FRMD4B: variants seen among roughly 807,000 people sequenced by gnomAD.
FRMD4B encodes the protein FERM domain containing 4B.
In FRMD4B, 74 loss-of-function variants were observed where a neutral mutation model predicts 141.5. That is an observed-to-expected ratio of 0.52 (90% confidence interval 0.43 to 0.63). The LOEUF is 0.63. FRMD4B is among the 30% of genes least tolerant of loss of function. The pLI is 0.00. For synonymous variants in FRMD4B, 506 were observed against 467.9 expected (o/e 1.08, Z -1.05); for missense variants, 1,366 against 1,253.4 (o/e 1.09, Z -1.36).
At chr3:69,291,746 T>C (rs35441373) in intron 4 of FRMD4B, among the ~76,000 whole-genome samples, 76,339 of 151,892 alleles carry the variant, frequency 0.5, 19,619 homozygotes, top group Non-Finnish European at 0.55. Context: ...CCTAGATCCC[T>C]GCAGAAGCCC....
At chr3:69,240,936 C>T (rs1575647348) in intron 7 of FRMD4B, among the ~76,000 whole-genome samples, 1 of 152,130 alleles carries the variant, frequency 6.6e-6, no homozygotes, top group Admixed American at 6.6e-5. Flanking sequence ...CTATTCCTAC[C>T]GAATGCCACG....
chr3:69,174,336 TAA>T (rs2092621084), intron 22 of FRMD4B, among the ~76,000 whole-genome samples: 1 of 152,184 alleles, frequency 6.6e-6, no homozygotes, highest in Admixed American at 6.5e-5. Context: ...GTTATGATGT[TAA>T]GTTTTTAAAA....
chr3:69,187,368 A>T (rs1408151192), intron 19 of FRMD4B, among the ~76,000 whole-genome samples: 1 of 151,596 alleles, frequency 6.6e-6, no homozygotes, highest in Non-Finnish European at 1.5e-5. Context: ...CAACATGGAG[A>T]AACCCCGTCT....
intron 1 of FRMD4B, among the ~76,000 whole-genome samples, chr3:69,371,921 T>C (rs1703835427): frequency 6.6e-6 from 1 of 152,202 alleles, no homozygotes; most frequent in Non-Finnish European, 1.5e-5. Flanking sequence ...ATTTCCACAT[T>C]TGAAACATCT....
intron 1 of FRMD4B, among the ~76,000 whole-genome samples, chr3:69,347,907 A>C (rs966569246): frequency 3.9e-5 from 6 of 152,224 alleles, no homozygotes; most frequent in African/African-American, 1.4e-4. Flanking sequence ...ACACCCTAAC[A>C]TCACAATTAA....
intron 5 of FRMD4B, among the ~76,000 whole-genome samples, chr3:69,272,318 T>G (rs2093598066): frequency 6.6e-6 from 1 of 152,128 alleles, no homozygotes. Flanking sequence ...AATTTATTGT[T>G]TTTAGTAGAG....
chr3:69,455,429 C>T (rs536015741), intron 1 of FRMD4B, among the ~76,000 whole-genome samples: 6 of 152,234 alleles, frequency 3.9e-5, no homozygotes, highest in Admixed American at 2.0e-4. Context: ...AGTGAGACCA[C>T]GAATGCACCA....
At position 69,279,901 on chromosome 3, in the gene FRMD4B, C is replaced by G. The variant is rs78284676; in HGVS notation, c.501+7851G>C. 8.3e-3 allele frequency among the ~76,000 whole-genome samples: 1,268 copies of G among 151,962 alleles called. 18 individuals are homozygous for G. The highest frequency in any genetic ancestry group is 0.028 in the African/African-American group (1,166 of 41,378). The stretch of plus-strand genomic sequence containing the variant: ...AGCCCTACTTGCTTTTCCACATTTT[C>G]TGTCTTTTCATTATTACCATATTTA... On this transcript the variant is annotated intron_variant, in intron 5 of 22. Coordinates refer to ENST00000398540, the MANE Select transcript of FRMD4B (RefSeq NM_015123.3).
chr3:69,193,523 A>C, intron 17 of FRMD4B, 125 bp downstream of exon 17: 2 of 625,666 alleles, frequency 3.2e-6, no homozygotes, highest in Non-Finnish European at 2.8e-6. Flanking sequence ...TAAAAAAGAA[A>C]ACTTAGTTTT....
At chr3:69,436,878 T>C (rs1351440237) in intron 1 of FRMD4B, among the ~76,000 whole-genome samples, 2 of 152,170 alleles carry the variant, frequency 1.3e-5, no homozygotes, top group African/African-American at 4.8e-5. Flanking sequence ...TCCACTTACA[T>C]GGAGTGATTA....
chr3:69,384,968 A>G (rs1022456683), intron 1 of FRMD4B, among the ~76,000 whole-genome samples: 4 of 152,184 alleles, frequency 2.6e-5, no homozygotes, highest in Non-Finnish European at 5.9e-5. Flanking sequence ...ATCTTTCCAC[A>G]GTAGACACCA....
intron 4 of FRMD4B, among the ~76,000 whole-genome samples, chr3:69,302,033 C>T (rs983867623): frequency 6.6e-6 from 1 of 152,134 alleles, no homozygotes; most frequent in African/African-American, 2.4e-5. Flanking sequence ...GAGAAACAGT[C>T]TTATGTATTA....
intron 5 of FRMD4B, among the ~76,000 whole-genome samples, chr3:69,283,697 A>G (rs1448318305): frequency 1.3e-5 from 2 of 152,222 alleles, no homozygotes; most frequent in Non-Finnish European, 2.9e-5. Flanking sequence ...AGGATAGCCA[A>G]CTGTGGTTTA....
At chr3:69,502,264 C>T (rs534486603) in intron 1 of FRMD4B, among the ~76,000 whole-genome samples, 280 of 152,308 alleles carry the variant, frequency 1.8e-3, no homozygotes, top group African/African-American at 6.6e-3. Flanking sequence ...AGGCATCACA[C>T]TACCTGACTT....
At chr3:69,225,974 A>T (rs1031534751) in intron 7 of FRMD4B, among the ~76,000 whole-genome samples, 7 of 152,112 alleles carry the variant, frequency 4.6e-5, no homozygotes, top group African/African-American at 1.7e-4. Context: ...CCCAAGTGCC[A>T]GATACCATGC....
chr3:69,389,786 A>G (rs1704340960), upstream of FRMD4B, among the ~76,000 whole-genome samples: 1 of 152,194 alleles, frequency 6.6e-6, no homozygotes, highest in Non-Finnish European at 1.5e-5. Flanking sequence ...TCATCCTTAA[A>G]ATGGACTAGC....
Position 69,536,389 on chromosome 3 carries a change from C to A in FRMD4B, c.-129+5817G>T, listed in dbSNP as rs550256020. 1.5e-5 allele frequency: 11 copies of A among 712,214 alleles called. No individual in the cohort carries two copies. The African/African-American group carries it at 1.9e-4, about 12-fold the overall frequency. 44.1% of individuals were successfully genotyped at this position (712,214 alleles called of 1,614,324 possible). On this transcript the variant is annotated intron_variant, in intron 1 of 5. Transcript: ENST00000459638. Reference sequence around the variant, plus strand: ...CCTGGCGAGGAGGCTGCGGCACATGCCAGTGGCCAGCGCCTGCTTCAGCAG... The same window carrying A: ...CCTGGCGAGGAGGCTGCGGCACATGACAGTGGCCAGCGCCTGCTTCAGCAG...
chr3:69,389,315 G>A (rs2106716654), upstream of FRMD4B, among the ~76,000 whole-genome samples: 1 of 152,232 alleles, frequency 6.6e-6, no homozygotes, highest in South Asian at 2.1e-4. Context: ...ACAGGCGTGA[G>A]CCACTGTGCC....
chr3:69,216,428 TC>T (rs375647410), intron 10 of FRMD4B, 79 bp from the exon 11 acceptor site: 42 of 524,834 alleles, frequency 8.0e-5, no homozygotes, highest in East Asian at 1.5e-4. Context: ...CAATTTCACC[TC>T]TTTTTTTTTT....
Sources: gnomAD v4.1 joint callset for allele counts (sites outside exome capture counted in the v4.1 genomes callset) on GRCh38, gnomAD v4.1.1 for gene constraint, MANE v1.5 for transcripts, NCBI Gene and HGNC (gene_info 2026-07-23, HGNC 2026-07-21) for gene names.